The following INPP5B variants were observed in gnomAD, a reference collection of about 807,000 sequenced individuals.
The protein encoded by INPP5B is type II inositol 1,4,5-trisphosphate 5-phosphatase.
In INPP5B, 90 loss-of-function variants were observed where a neutral mutation model predicts 118.5. The ratio of observed to expected loss-of-function variants is 0.76; its 90% CI spans 0.64 to 0.90. The LOEUF is 0.90. Ranked by LOEUF, INPP5B falls within the 40% of genes least tolerant of loss-of-function variation. The pLI is 0.00. For synonymous variants in INPP5B, 385 were observed against 418.9 expected, an observed-to-expected ratio of 0.92 and a Z score of 0.99; for missense variants, 984 against 1,125.6, an observed-to-expected ratio of 0.87 and a Z score of 1.80.
intron 16 of INPP5B, among the ~76,000 whole-genome samples, chr1:37,876,701 T>TAAAA (rs1642841452): frequency 8.7e-5 from 1 of 11,452 alleles, no homozygotes; most frequent in Non-Finnish European, 2.6e-4. Context: ...CTACTAAAAA[T>TAAAA]ACAAAAAAAA....
chr1:37,910,731 A>G (rs1319923742), intron 7 of INPP5B, among the ~76,000 whole-genome samples: 1 of 151,930 alleles, frequency 6.6e-6, no homozygotes, highest in Non-Finnish European at 1.5e-5. Flanking sequence ...CTCTCCTTAC[A>G]ATTCCCCATT....
At chr1:37,867,036 A>T (rs998412424) in intron 20 of INPP5B, among the ~76,000 whole-genome samples, 7 of 152,168 alleles carry the variant, frequency 4.6e-5, no homozygotes, top group Non-Finnish European at 8.8e-5. Flanking sequence ...GATTGAGACC[A>T]TCCTGGCCAA....
At chr1:37,941,762 C>A (rs1645921917) in intron 5 of INPP5B, among the ~76,000 whole-genome samples, 1 of 144,198 alleles carries the variant, frequency 6.9e-6, no homozygotes, top group Non-Finnish European at 1.5e-5. Flanking sequence ...CACGGTGAAA[C>A]CCCGTCTCTA....
At position 37,931,947 on chromosome 1, in the gene INPP5B, T is replaced by C. The variant is rs764379984; in HGVS notation, c.498A>G (p.Leu166=). ...MPTPRGCNSA[L]VTWPGYATIG... is the part of the protein sequence containing the mutation. ...TTGTCGCGTACCCTGGCCAGGTAACTAGGGCCGAGTTACAACCGCGCGGCG... is the reference window on the plus strand; with the variant it reads ...TTGTCGCGTACCCTGGCCAGGTAACCAGGGCCGAGTTACAACCGCGCGGCG... The change falls in exon 7 of 24, where the codon CTA becomes CTG. Residue 166 remains leucine (L), a synonymous_variant. Transcript: ENST00000373024. The C allele has an allele frequency of 3.1e-6, 5 of 1,614,058 alleles. No individual in the cohort carries two copies. The highest frequency in any genetic ancestry group is 1.3e-5 in the African/African-American group (1 of 75,040).
chr1:37,884,206 TTAAAA>T (rs1480395954), intron 13 of INPP5B: 3 of 152,122 alleles, frequency 2.0e-5, no homozygotes, highest in Non-Finnish European at 4.4e-5. Context: ...CAGACCCAAA[TTAAAA>T]TAAATCTTTA....
chr1:37,902,936 T>C (rs1644382403), intron 7 of INPP5B, among the ~76,000 whole-genome samples: 2 of 151,978 alleles, frequency 1.3e-5, no homozygotes, highest in Admixed American at 6.6e-5. Context: ...TGAGCCATGA[T>C]TGTATCACTG....
At chr1:37,868,643 CTT>C (rs1557618702) in intron 19 of INPP5B, 29 bp from the exon 20 acceptor site, 1 of 1,489,498 alleles carries the variant, frequency 6.7e-7, no homozygotes, top group Non-Finnish European at 9.4e-7. Flanking sequence ...CATGACAGAA[CTT>C]CTGCCAGGCT....
At position 37,886,948 on chromosome 1, in the gene INPP5B, A is replaced by T. The variant is rs1332172539; in HGVS notation, c.1071T>A (p.His357Gln). Residue 357 changes from histidine to glutamine, a missense_variant, in exon 12 of 24, where the codon CAT becomes CAA. Coordinates refer to ENST00000373024, the MANE Select transcript of INPP5B (RefSeq NM_005540.3). ...CTTCCACTTCTGAGATATAAGCTGC[A>T]TGCTCCTGTTTGACATATAACAGCA... is the stretch of plus-strand genomic sequence containing the variant. ...IMLLLYVKQEHAAYISEVEAE... is the reference protein window; with the variant it reads ...IMLLLYVKQEQAAYISEVEAE... The T allele has an allele frequency of 1.9e-6, 3 of 1,614,222 alleles. No individual in the cohort carries two copies. In the East Asian group the frequency reaches 6.7e-5, roughly 36 times the overall value.
chr1:37,932,008 C>T lies in INPP5B; in HGVS notation c.437G>A (p.Arg146Gln). The T allele has an allele frequency of 1.2e-6, 2 of 1,608,948 alleles. No homozygotes were observed. Among genetic ancestry groups the T allele is most frequent in the East Asian group, 2.2e-5 (1 of 44,728 alleles). Residue 146 changes from arginine to glutamine, a missense_variant, in exon 7 of 24, where the codon CGG becomes CAG. Physicochemically the swap from Arg to Gln is conservative, Grantham distance 43 (BLOSUM62 1). This residue lies in a region of INPP5B where 350 missense variants were observed against 334.6 expected (regional missense o/e 1.05). Coordinates refer to ENST00000373024, the MANE Select transcript of INPP5B (RefSeq NM_005540.3). ...TRDPEFLWLS[R>Q]YRCAELELEM... Reference sequence around the variant, plus strand: ...CAGCTCCAGCTCTGCGCACCTATACCGAGACAGCCACAGGAATTCAGGATC... The same window carrying T: ...CAGCTCCAGCTCTGCGCACCTATACTGAGACAGCCACAGGAATTCAGGATC...
intron 7 of INPP5B, among the ~76,000 whole-genome samples, chr1:37,927,704 T>C (rs995327638): frequency 2.0e-5 from 3 of 151,212 alleles, no homozygotes; most frequent in Non-Finnish European, 4.4e-5. Flanking sequence ...GCCCGGCTAA[T>C]TTTTTTGTAT....
chr1:37,882,776 G>T, intron 14 of INPP5B, 31 bp downstream of exon 14: 1 of 1,528,148 alleles, frequency 6.5e-7, no homozygotes, highest in Non-Finnish European at 9.1e-7. Flanking sequence ...GAGGACAGCT[G>T]CTGGAAGAGG....
intron 6 of INPP5B, among the ~76,000 whole-genome samples, chr1:37,938,877 T>C (rs1213377139): frequency 2.0e-5 from 3 of 152,046 alleles, no homozygotes; most frequent in Non-Finnish European, 2.9e-5. Flanking sequence ...ACCAACGTGG[T>C]GAAACCCTGT....
intron 20 of INPP5B, 103 bp from the exon 21 acceptor site, chr1:37,866,646 T>C: frequency 1.4e-6 from 1 of 719,356 alleles, no homozygotes; most frequent in African/African-American, 1.7e-5. Flanking sequence ...AGGAGCAGTG[T>C]GGTGAGGCCT....
intron 19 of INPP5B, among the ~76,000 whole-genome samples, chr1:37,871,182 G>A (rs1197665387): frequency 6.7e-6 from 1 of 149,020 alleles, no homozygotes; most frequent in African/African-American, 2.5e-5. Flanking sequence ...AAAAGGCCGG[G>A]CGCAGTGGCT....
At chr1:37,865,626 G>A (rs900984720) in intron 22 of INPP5B, 135 bp downstream of exon 22, 4 of 954,608 alleles carry the variant, frequency 4.2e-6, no homozygotes, top group South Asian at 3.2e-5. Flanking sequence ...AGACATAAGA[G>A]AAAGAGCAGG....
chr1:37,939,239 CTGTAATCCCACCTAT>C (rs1645819402), intron 6 of INPP5B, among the ~76,000 whole-genome samples: 1 of 149,236 alleles, frequency 6.7e-6, no homozygotes, highest in African/African-American at 2.5e-5. Flanking sequence ...TGGTGGGCGC[CTGTAATCCCACCTAT>C]TCAGGAGGCT....
At chr1:37,945,007 G>A (rs1646066770) in intron 3 of INPP5B, among the ~76,000 whole-genome samples, 1 of 152,096 alleles carries the variant, frequency 6.6e-6, no homozygotes, top group Non-Finnish European at 1.5e-5. Context: ...GGTGGCTCAT[G>A]CCTAAAATTC....
intron 6 of INPP5B, among the ~76,000 whole-genome samples, chr1:37,937,034 C>T (rs1337155582): frequency 4.6e-5 from 7 of 151,966 alleles, no homozygotes; most frequent in East Asian, 3.9e-4. Context: ...GAGGCCAGGC[C>T]GGGCGCGGTG....
Position 37,865,886 on chromosome 1 carries a change from C to T in INPP5B, c.2389G>A (p.Ala797Thr). 6.2e-7 allele frequency: 1 copy of T among 1,612,634 alleles called. No homozygotes were observed. Among genetic ancestry groups the T allele is most frequent in the East Asian group, 2.2e-5 (1 of 44,766 alleles). The change falls in exon 22 of 24, where the codon GCC (alanine) becomes ACC (threonine). Residue 797 changes from alanine to threonine, a missense_variant and splice_region_variant. By Grantham distance (58) the Ala-to-Thr change is moderately conservative. This residue lies in a region of INPP5B where 634 missense variants were observed against 791.0 expected (regional missense o/e 0.80). Transcript: ENST00000373024. ...GCTTCGGCTACAGAATGATTGCTGG[C>T]AGCTTTTGGCCCCATTGTTAAGGAA... ...LDTGMIDNLS[A>T]SNHSVAEALL...
Sources: gnomAD v4.1 joint callset for allele counts (sites outside exome capture counted in the v4.1 genomes callset) on GRCh38, gnomAD v4.1.1 for gene constraint, gnomAD v4.1.1 regional missense constraint, MANE v1.5 for transcripts, NCBI Gene and HGNC (gene_info 2026-07-23, HGNC 2026-07-21) for gene names.